SQOR: variants seen among roughly 807,000 people sequenced by gnomAD.
The protein encoded by SQOR is sulfide:quinone oxidoreductase, mitochondrial.
A neutral mutation model predicts 48.6 loss-of-function variants in SQOR; 39 were observed. That is an observed-to-expected ratio of 0.80 (90% CI 0.62 to 1.05). The LOEUF (loss-of-function observed/expected upper bound fraction) is 1.05. SQOR is among the 50% of genes least tolerant of loss of function. SQOR has a pLI of 0.00. For synonymous variants in SQOR, 220 were observed against 206.2 expected (o/e 1.07, Z -0.57); for missense variants, 561 against 559.9 (o/e 1.00, Z -0.02).
chr15:45,677,598 T>C (rs1481740619), intron 6 of SQOR, among the ~76,000 whole-genome samples: 6 of 152,240 alleles, frequency 3.9e-5, no homozygotes, highest in Non-Finnish European at 7.3e-5. Flanking sequence ...TATTTTGAAA[T>C]AATACAGCCC....
upstream of SQOR, among the ~76,000 whole-genome samples, chr15:45,634,226 T>TATATATATATATATATATA (rs1555399817): frequency 1.8e-4 from 6 of 33,622 alleles, no homozygotes; most frequent in Middle Eastern, 0.023. Context: ...ATATATATAT[T>TATATATATATATATATATA]CAAAATTCAT....
rs559565664 is a variant in SQOR, at chr15:45,670,084, C to G, written c.459+103C>G. Reference sequence around the variant, plus strand: ...TATTCATTTTGACAAGAAAGGGGTTCTAAGAAAATCTCTTCTGGTTTTATT... The same window carrying G: ...TATTCATTTTGACAAGAAAGGGGTTGTAAGAAAATCTCTTCTGGTTTTATT... On this transcript the variant is annotated intron_variant, in intron 4 of 9. Coordinates refer to ENST00000260324, the MANE Select transcript of SQOR (RefSeq NM_021199.4). 128 of 1,046,794 alleles carry G rather than the reference C, an allele frequency of 1.2e-4. 1 individual carries two copies. The South Asian group carries it at 1.7e-3, about 14-fold the overall frequency. The allele number at this position is 1,046,794 out of a possible 1,614,324, so 64.8% of individuals were successfully genotyped here.
chr15:45,648,767 A>G (rs1396445414), intron 1 of SQOR, among the ~76,000 whole-genome samples: 2 of 152,366 alleles, frequency 1.3e-5, no homozygotes, highest in African/African-American at 4.8e-5. Context: ...AGCTTGGGCC[A>G]GGTCTGGCGG....
chr15:45,642,725 A>G (rs918553621), intron 1 of SQOR, among the ~76,000 whole-genome samples: 3 of 152,168 alleles, frequency 2.0e-5, no homozygotes, highest in Non-Finnish European at 4.4e-5. Flanking sequence ...GGTCCCTGAC[A>G]TAACTTCCCT....
chr15:45,688,265 G>A, intron 7 of SQOR, 72 bp from the exon 8 acceptor site: 2 of 1,092,564 alleles, frequency 1.8e-6, no homozygotes. Flanking sequence ...TTACATTAAA[G>A]TTATTTGCAA....
chr15:45,633,440 A>G (rs1260481471), upstream of SQOR, among the ~76,000 whole-genome samples: 1 of 152,222 alleles, frequency 6.6e-6, no homozygotes, highest in Non-Finnish European at 1.5e-5. Context: ...TCACGCCTGT[A>G]ATCCCAGCAC....
intron 1 of SQOR, among the ~76,000 whole-genome samples, chr15:45,657,858 G>A (rs1889641448): frequency 6.6e-6 from 1 of 152,178 alleles, no homozygotes; most frequent in South Asian, 2.1e-4. Context: ...GGTTCTTGGA[G>A]CAGTGGTGAA....
intron 3 of SQOR, among the ~76,000 whole-genome samples, chr15:45,667,921 C>A (rs191415035): frequency 1.3e-4 from 17 of 135,716 alleles, no homozygotes; most frequent in Admixed American, 2.2e-4. Flanking sequence ...CATCATCTTT[C>A]TTTATTTCTT....
At chr15:45,667,754 G>C (rs1266896010) in intron 3 of SQOR, among the ~76,000 whole-genome samples, 1 of 151,950 alleles carries the variant, frequency 6.6e-6, no homozygotes, top group African/African-American at 2.4e-5. Flanking sequence ...CAAACCAAAA[G>C]CTCCTCTTGT....
intron 7 of SQOR, among the ~76,000 whole-genome samples, chr15:45,684,152 A>G (rs1890178961): frequency 6.6e-6 from 1 of 152,126 alleles, no homozygotes; most frequent in African/African-American, 2.4e-5. Context: ...GCTGCAGGTG[A>G]TCTGCCCACC....
chr15:45,638,290 G>A (rs1895042270), intron 1 of SQOR, among the ~76,000 whole-genome samples: 1 of 152,208 alleles, frequency 6.6e-6, no homozygotes, highest in Non-Finnish European at 1.5e-5. Context: ...GAATGTGACT[G>A]TATTAGGAGA....
At chr15:45,678,626 A>G (rs1890075953) in intron 6 of SQOR, among the ~76,000 whole-genome samples, 1 of 151,974 alleles carries the variant, frequency 6.6e-6, no homozygotes, top group Non-Finnish European at 1.5e-5. Flanking sequence ...TATCTGCAGC[A>G]GCTCAGGGTC....
intron 1 of SQOR, among the ~76,000 whole-genome samples, chr15:45,639,775 A>G (rs1895073009): frequency 1.3e-5 from 2 of 152,262 alleles, no homozygotes; most frequent in South Asian, 2.1e-4. Flanking sequence ...CTGTGAGCAC[A>G]TAAATGATGC....
At chr15:45,656,839 C>T (rs1421606520) in intron 1 of SQOR, among the ~76,000 whole-genome samples, 1 of 150,866 alleles carries the variant, frequency 6.6e-6, no homozygotes, top group Admixed American at 6.7e-5. Flanking sequence ...GAGTCTCACT[C>T]TGTCACCCAG....
rs1890037971 is a variant in SQOR at position 45,676,398 on chromosome 15, C to T, written c.864+88C>T. 1.6e-5 allele frequency: 21 copies of T among 1,308,548 alleles called. No individual in the cohort carries two copies. In the South Asian group the frequency reaches 2.8e-4, roughly 17 times the overall value. 81.1% of individuals were successfully genotyped at this position (1,308,548 alleles called of 1,614,324 possible). A position where few individuals can be genotyped will look rare whatever the true frequency, so the allele number is the denominator to read the frequency against. ...TGGGGGCTCACACCACCCTATCTGC[C>T]ATCATTGTGTGCTGGGGAAGACTGG... On this transcript the variant is annotated intron_variant, in intron 6 of 9. Transcript: ENST00000260324.
In SQOR at chr15:45,673,607, A is replaced by G. The variant is rs1240763049; in HGVS notation, c.460A>G (p.Ile154Val). The G allele has an allele frequency of 1.2e-6, 2 of 1,612,208 alleles. No individual in the cohort carries two copies. Among genetic ancestry groups the G allele is most frequent in the Admixed American group, 3.3e-5 (2 of 59,758 alleles). Reference protein sequence around the residue: ...ALGIQLDYEKIKGLPEGFAHP... With the variant: ...ALGIQLDYEKVKGLPEGFAHP... ...ATAATTTTTGTGTACTTTGTTGCAG[A>G]TTAAAGGCCTACCTGAAGGTTTCGC... The change falls in exon 5 of 10, where the codon ATT becomes GTT. Residue 154 changes from isoleucine to valine, a missense_variant and splice_region_variant. By Grantham distance (29) the Ile-to-Val change is conservative. Transcript: ENST00000260324.
intron 6 of SQOR, 23 bp downstream of exon 6, chr15:45,676,333 C>G: frequency 6.2e-7 from 1 of 1,611,106 alleles, no homozygotes; most frequent in Non-Finnish European, 8.5e-7. Context: ...GCTAAGCTGT[C>G]AGCATGAAGC....
intron 1 of SQOR, among the ~76,000 whole-genome samples, chr15:45,656,703 T>G (rs1422742083): frequency 6.6e-6 from 1 of 152,186 alleles, no homozygotes; most frequent in African/African-American, 2.4e-5. Context: ...AGTGTTAAAA[T>G]TTTGGCTTTG....
At chr15:45,688,646 G>A (rs917427631) in intron 8 of SQOR, among the ~76,000 whole-genome samples, 1 of 151,956 alleles carries the variant, frequency 6.6e-6, no homozygotes, top group Admixed American at 6.6e-5. Context: ...CGAATAGATG[G>A]AATTACAGGC....
Sources: allele counts gnomAD v4.1 joint callset (sites outside exome capture counted in the v4.1 genomes callset), GRCh38; gene constraint gnomAD v4.1.1; transcripts MANE v1.5; gene names NCBI Gene and HGNC (gene_info 2026-07-23, HGNC 2026-07-21).